The following WWOX variants were observed in gnomAD, a reference collection of about 807,000 sequenced individuals.
WWOX encodes WW domain containing oxidoreductase.
In WWOX, 69 loss-of-function variants were observed where a neutral mutation model predicts 46.2. The ratio of observed to expected loss-of-function variants is 1.49; its 90% CI spans 1.23 to 1.82. WWOX has a LOEUF of 1.82. WWOX is among the 40% of genes most tolerant of loss of function. The pLI, the probability that WWOX is intolerant of heterozygous loss-of-function variation, is 0.00. For missense variants in WWOX, 919 were observed against 542.6 expected, an observed-to-expected ratio of 1.69 and a Z score of -6.89; for synonymous variants, 359 against 202.6, an observed-to-expected ratio of 1.77 and a Z score of -6.56.
At chr16:79,099,043 A>G (rs893242902) in intron 8 of WWOX, among the ~76,000 whole-genome samples, 2 of 152,172 alleles carry the variant, frequency 1.3e-5, no homozygotes, top group African/African-American at 2.4e-5. Context: ...GCAGAAGGCA[A>G]AGAGAAGCCA....
intron 8 of WWOX, chr16:79,202,474 C>G (rs2051375778): frequency 1.3e-5 from 2 of 152,010 alleles, no homozygotes; most frequent in Non-Finnish European, 2.9e-5. Context: ...TTAGGAAACC[C>G]AAAGAAAGTA....
chr16:78,160,897 G>A (rs1453667949), intron 4 of WWOX, among the ~76,000 whole-genome samples: 1 of 152,000 alleles, frequency 6.6e-6, no homozygotes. Context: ...CATTATAATT[G>A]TGAATTTGTC....
rs574672741 is a variant in WWOX, at chr16:78,363,915, C to T, written c.517-22945C>T. On this transcript the variant is annotated intron_variant, in intron 5 of 8. Transcript: ENST00000566780. ...ATGGAGACCCCAGGCCGTCTCTCCGCCATCTTGTTGTGATGCTTCCGGAAG... is the reference window on the plus strand; with the variant it reads ...ATGGAGACCCCAGGCCGTCTCTCCGTCATCTTGTTGTGATGCTTCCGGAAG... Among the ~76,000 whole-genome samples, 565 of 152,348 alleles carry T rather than the reference C, an allele frequency of 3.7e-3. 4 individuals are homozygous for T. Among genetic ancestry groups the T allele is most frequent in the African/African-American group, 0.012 (491 of 41,584 alleles).
At position 79,211,472 on chromosome 16, in the gene WWOX, AC is replaced by A. The variant is rs2051744609; in HGVS notation, c.1057-133del. The stretch of plus-strand genomic sequence containing the variant: ...TACAGTCATGTGCTTTCAGCCCAGT[AC>A]CCTTTGCTATGCCAAGATCCAGCTG... On this transcript the variant is annotated intron_variant, in intron 8 of 8. Coordinates refer to ENST00000566780, the MANE Select transcript of WWOX (RefSeq NM_016373.4). The A allele has an allele frequency of 3.7e-6, 4 of 1,084,862 alleles. No individual in the cohort carries two copies. The South Asian group carries it at 4.0e-5, about 11-fold the overall frequency. 67.2% of individuals were successfully genotyped at this position (1,084,862 alleles called of 1,614,324 possible). A position where few individuals can be genotyped will look rare whatever the true frequency, so the allele number is the denominator to read the frequency against.
At chr16:78,891,765 C>A (rs1034105142) in intron 8 of WWOX, 1 of 151,130 alleles carries the variant, frequency 6.6e-6, no homozygotes, top group African/African-American at 2.5e-5. Flanking sequence ...TTCGAATCCA[C>A]TGCTGGGTAT....
intron 6 of WWOX, among the ~76,000 whole-genome samples, chr16:78,409,707 T>G (rs1258666121): frequency 6.6e-6 from 1 of 152,178 alleles, no homozygotes; most frequent in African/African-American, 2.4e-5. Flanking sequence ...GGGCTAAAAT[T>G]AAGGTGTCGG....
intron 5 of WWOX, among the ~76,000 whole-genome samples, chr16:78,242,741 C>A (rs2037695948): frequency 6.6e-6 from 1 of 152,182 alleles, no homozygotes; most frequent in Non-Finnish European, 1.5e-5. Flanking sequence ...GGCACAGTGG[C>A]TCACGCCTGT....
In WWOX at chr16:78,956,745, C is replaced by T. The variant is rs1040455077; in HGVS notation, c.1057-254863C>T. ...TTGAGTTTCAAAAGTGTGCCACAAA[C>T]AAGAAATTTGGGATCTGCTGAGCCC... On this transcript the variant is annotated intron_variant, in intron 8 of 8. Transcript: ENST00000566780. Among the ~76,000 whole-genome samples, 3 of 152,038 alleles carry T rather than the reference C, an allele frequency of 2.0e-5. 1 individual carries two copies. The South Asian group carries it at 6.2e-4, about 32-fold the overall frequency.
intron 8 of WWOX, among the ~76,000 whole-genome samples, chr16:79,089,472 C>T (rs767237299): frequency 6.6e-6 from 1 of 151,902 alleles, no homozygotes; most frequent in Non-Finnish European, 1.5e-5. Flanking sequence ...GCTGGGACTA[C>T]AGGCACACGC....
chr16:78,409,854 C>G (rs1195888090), intron 6 of WWOX, among the ~76,000 whole-genome samples: 4 of 152,202 alleles, frequency 2.6e-5, no homozygotes, highest in Non-Finnish European at 2.9e-5. Flanking sequence ...CCATTTCCCT[C>G]TAGCCACAAT....
At chr16:78,474,755 T>C (rs62034132) in intron 8 of WWOX, among the ~76,000 whole-genome samples, 7,882 of 152,198 alleles carry the variant, frequency 0.052, 478 homozygotes, top group African/African-American at 0.14. Context: ...TTCCCCAGCC[T>C]CTGCGAACCG....
intron 8 of WWOX, among the ~76,000 whole-genome samples, chr16:79,147,909 A>AT (rs2050209720): frequency 1.3e-5 from 2 of 151,148 alleles, no homozygotes; most frequent in African/African-American, 2.4e-5. Flanking sequence ...TTTTTTTCTC[A>AT]TTTTCTATTT....
At chr16:78,506,728 T>TTTTTTTG (rs1330915138) in intron 8 of WWOX, among the ~76,000 whole-genome samples, 24 of 93,604 alleles carry the variant, frequency 2.6e-4, no homozygotes, top group Non-Finnish European at 3.4e-4. Flanking sequence ...TTTTTTTTTT[T>TTTTTTTG]GTACAGAGTC....
chr16:78,654,721 G>T lies in WWOX; in HGVS notation c.1056+221969G>T, dbSNP rs2047042796. Among the ~76,000 whole-genome samples the T allele has an allele frequency of 2.6e-5, 4 of 151,394 alleles. No individual in the cohort carries two copies. The South Asian group carries it at 8.4e-4, about 32-fold the overall frequency. Reference sequence around the variant, plus strand: ...GTATGAAACCTAAAAATAAGATTTTGGGGCCTGTGAATTTTTTTAACCTTT... The same window carrying T: ...GTATGAAACCTAAAAATAAGATTTTTGGGCCTGTGAATTTTTTTAACCTTT... On this transcript the variant is annotated intron_variant, in intron 8 of 8. Transcript: ENST00000566780.
At chr16:78,269,085 A>C (rs1342388950) in intron 5 of WWOX, 1 of 152,190 alleles carries the variant, frequency 6.6e-6, no homozygotes, top group Non-Finnish European at 1.5e-5. Context: ...GCTAGTATGT[A>C]CAGCTTTAAA....
intron 8 of WWOX, among the ~76,000 whole-genome samples, chr16:78,573,078 G>GA (rs2044759031): frequency 6.6e-6 from 1 of 152,172 alleles, no homozygotes; most frequent in Non-Finnish European, 1.5e-5. Context: ...ACGAGGTCAG[G>GA]AGAGAGACCA....
intron 8 of WWOX, among the ~76,000 whole-genome samples, chr16:78,752,964 T>A (rs964502923): frequency 6.6e-6 from 1 of 152,204 alleles, no homozygotes; most frequent in Admixed American, 6.5e-5. Context: ...AGGCCGTTTG[T>A]CTGCCTGGTT....
intron 8 of WWOX, among the ~76,000 whole-genome samples, chr16:78,876,796 C>G (rs909450404): frequency 1.3e-5 from 2 of 152,164 alleles, no homozygotes; most frequent in African/African-American, 2.4e-5. Flanking sequence ...AACACCTCAT[C>G]TATTATGCTG....
Position 78,691,115 on chromosome 16 carries a change from T to G in WWOX, c.1056+258363T>G, listed in dbSNP as rs1357120159. On this transcript the variant is annotated intron_variant, in intron 8 of 8. Transcript: ENST00000566780. ...AAAGTAAGAGTGCTTTGAATACCAG[T>G]CGTTATTGCTTTAGAAGTTCATAAA... is the stretch of plus-strand genomic sequence containing the variant. 5 of 632,730 alleles carry G rather than the reference T, an allele frequency of 7.9e-6. No homozygotes were observed. The East Asian group carries it at 1.1e-4, about 14-fold the overall frequency. The allele number at this position is 632,730 out of a possible 1,614,324, so 39.2% of individuals were successfully genotyped here.
Sources: allele counts gnomAD v4.1 joint callset (sites outside exome capture counted in the v4.1 genomes callset), GRCh38; gene constraint gnomAD v4.1.1; transcripts MANE v1.5; gene names NCBI Gene and HGNC (gene_info 2026-07-23, HGNC 2026-07-21).